Variants in ITGA4 observed in about 807,000 individuals in gnomAD.
The protein encoded by ITGA4 is integrin subunit alpha 4, also known as integrin alpha-4.
ITGA4 carries 63 observed loss-of-function variants against 133.6 expected under a neutral mutation model. That is an observed-to-expected ratio of 0.47 (90% confidence interval 0.38 to 0.58). The LOEUF (loss-of-function observed/expected upper bound fraction) is 0.58, where lower values mean the gene tolerates loss of function less well. ITGA4 is among the 20% of genes least tolerant of loss of function. The pLI, the probability that ITGA4 is intolerant of heterozygous loss-of-function variation, is 0.00. For synonymous variants in ITGA4, 483 were observed against 438.0 expected, an observed-to-expected ratio of 1.10 and a Z score of -1.28; for missense variants, 1,076 against 1,252.7, an observed-to-expected ratio of 0.86 and a Z score of 2.13.
intron 2 of ITGA4, among the ~76,000 whole-genome samples, chr2:181,461,997 G>A (rs566045059): frequency 2.0e-5 from 3 of 152,122 alleles, no homozygotes; most frequent in Non-Finnish European, 2.9e-5. Context: ...TTTATTAGGC[G>A]AAATAAAATT....
At chr2:181,481,556 T>A in intron 6 of ITGA4, 42 bp from the exon 7 acceptor site, 1 of 1,006,974 alleles carries the variant, frequency 9.9e-7, no homozygotes. Flanking sequence ...CCATATGATG[T>A]ACTTTACCCA....
chr2:181,498,601 G>A (rs1337347876), intron 14 of ITGA4, 22 bp from the exon 15 acceptor site: 1 of 1,482,866 alleles, frequency 6.7e-7, no homozygotes, highest in Admixed American at 1.8e-5. Flanking sequence ...TAGATTAATT[G>A]CAATTCTCTA....
At chr2:181,460,138 T>G (rs1685233307) in intron 2 of ITGA4, among the ~76,000 whole-genome samples, 1 of 152,220 alleles carries the variant, frequency 6.6e-6, no homozygotes. Context: ...GATAATTGAT[T>G]AGAAATGATG....
intron 26 of ITGA4, 21 bp from the exon 27 acceptor site, chr2:181,534,795 T>C: frequency 1.3e-6 from 2 of 1,547,874 alleles, no homozygotes; most frequent in Non-Finnish European, 1.7e-6. Flanking sequence ...TTTTGAGTTT[T>C]ATTTTTCTTA....
In ITGA4 at chr2:181,496,011, C is replaced by A. The variant is rs1686149704; in HGVS notation, c.1540+74C>A. The stretch of plus-strand genomic sequence containing the variant: ...TTAATCCCACAATCCTGCTTGGAGC[C>A]CTCACCGGTTTTCACCACGGAGATC... On this transcript the variant is annotated intron_variant, in intron 14 of 27. Transcript: ENST00000397033. The A allele has an allele frequency of 2.0e-6, 3 of 1,472,354 alleles. No individual in the cohort carries two copies. In the East Asian group the frequency reaches 6.9e-5, roughly 34 times the overall value. 91.2% of individuals were successfully genotyped at this position (1,472,354 alleles called of 1,614,324 possible). A position where few individuals can be genotyped will look rare whatever the true frequency, so the allele number is the denominator to read the frequency against.
At position 181,465,836 on chromosome 2, in the gene ITGA4, C is replaced by T. The variant is rs372821400; in HGVS notation, c.319+7519C>T. Among the ~76,000 whole-genome samples the T allele has an allele frequency of 2.0e-4, 30 of 152,120 alleles. No homozygotes were observed. The East Asian group carries it at 4.4e-3, about 23-fold the overall frequency. On this transcript the variant is annotated intron_variant, in intron 2 of 27. Coordinates refer to ENST00000397033, the MANE Select transcript of ITGA4 (RefSeq NM_000885.6). ...CTTCCCCACTTACAAGTGGTGTGAC[C>T]TTGGGCAAGTGCTTAGTCATCCCTT... is the stretch of plus-strand genomic sequence containing the variant.
At position 181,534,906 on chromosome 2, in the gene ITGA4, C is replaced by G; in HGVS notation, c.2974C>G (p.Leu992Val). ...TAGCTTGCTACTTGGACTTATTGTA[C>G]TTCTATTGATCTCATATGTTATGTG... is the stretch of plus-strand genomic sequence containing the variant. ...SSSLLLGLIV[L>V]LLISYVMWKA... Residue 992 changes from leucine (L) to valine (V), a missense_variant, in exon 27 of 28, where the codon CTT (leucine) becomes GTT (valine). By Grantham distance (32) the Leu-to-Val change is conservative. Around this residue, in one of 4 missense-constraint regions of ITGA4, gnomAD observed 193 missense variants for 172.3 expected, o/e 1.12. Transcript: ENST00000397033. The G allele has an allele frequency of 1.3e-6, 2 of 1,588,878 alleles. No homozygotes were observed. Among genetic ancestry groups the G allele is most frequent in the South Asian group, 1.2e-5 (1 of 85,304 alleles).
At chr2:181,510,684 T>A (rs1270126437) in intron 16 of ITGA4, among the ~76,000 whole-genome samples, 1 of 147,358 alleles carries the variant, frequency 6.8e-6, no homozygotes, top group African/African-American at 2.5e-5. Flanking sequence ...CAAATGAAGA[T>A]AACTGAAGAG....
At position 181,495,453 on chromosome 2, in the gene ITGA4, G is replaced by A; in HGVS notation, c.1385+37G>A. The A allele has an allele frequency of 1.3e-6, 2 of 1,488,584 alleles. No homozygotes were observed. Among genetic ancestry groups the A allele is most frequent in the Non-Finnish European group, 1.9e-6 (2 of 1,066,192 alleles). The allele number at this position is 1,488,584 out of a possible 1,614,324, so 92.2% of individuals were successfully genotyped here. A position where few individuals can be genotyped will look rare whatever the true frequency, so the allele number is the denominator to read the frequency against. ...ATATTTCACTGCTTAATTGCAATTTGGTTTAATTGTAAAATGATGGGAGGT... is the reference window on the plus strand; with the variant it reads ...ATATTTCACTGCTTAATTGCAATTTAGTTTAATTGTAAAATGATGGGAGGT... On this transcript the variant is annotated intron_variant, in intron 13 of 27. Transcript: ENST00000397033. The surrounding 1 kb of genome is among the most constrained non-coding windows in gnomAD (Gnocchi z 4.3).
At chr2:181,477,206 A>G (rs906443518) in intron 4 of ITGA4, among the ~76,000 whole-genome samples, 1 of 152,142 alleles carries the variant, frequency 6.6e-6, no homozygotes, top group Non-Finnish European at 1.5e-5. Flanking sequence ...CAAATATACC[A>G]AAGTCAACTA....
intron 2 of ITGA4, among the ~76,000 whole-genome samples, chr2:181,461,737 C>T (rs1014957944): frequency 7.2e-5 from 11 of 152,164 alleles, no homozygotes; most frequent in Non-Finnish European, 1.3e-4. Flanking sequence ...GGAGTTACCA[C>T]TGAAAGCATT....
intron 2 of ITGA4, among the ~76,000 whole-genome samples, chr2:181,469,283 T>A (rs1165320468): frequency 1.3e-5 from 2 of 152,178 alleles, no homozygotes; most frequent in African/African-American, 2.4e-5. Flanking sequence ...AGTAGGTTTT[T>A]AAATAATACA....
At chr2:181,532,182 C>T (rs970823123) in intron 25 of ITGA4, among the ~76,000 whole-genome samples, 18 of 152,298 alleles carry the variant, frequency 1.2e-4, no homozygotes, top group Non-Finnish European at 2.2e-4. Context: ...AGTTTGAAGT[C>T]GGGTAGCCTG....
intron 21 of ITGA4, among the ~76,000 whole-genome samples, chr2:181,525,604 G>C (rs949588647): frequency 6.6e-6 from 1 of 152,156 alleles, no homozygotes; most frequent in Non-Finnish European, 1.5e-5. Flanking sequence ...CTGGAATTAG[G>C]CAGTATGCAG....
At chr2:181,507,080 G>C (rs988833742) in intron 15 of ITGA4, among the ~76,000 whole-genome samples, 4 of 152,076 alleles carry the variant, frequency 2.6e-5, no homozygotes, top group Admixed American at 6.6e-5. Context: ...ATGAAAAGTA[G>C]AGTCAAAAAC....
chr2:181,520,924 C>T (rs1686705445), intron 17 of ITGA4, among the ~76,000 whole-genome samples: 1 of 152,112 alleles, frequency 6.6e-6, no homozygotes, highest in Admixed American at 6.6e-5. Context: ...AAACTCTGTC[C>T]TTACATACTC....
In ITGA4 at chr2:181,538,371, TAATCTAGA is replaced by T. The variant is rs935542321; in HGVS notation, c.*2847_*2854del. The T allele has an allele frequency of 8.0e-6, 5 of 628,882 alleles. No homozygotes were observed. Among genetic ancestry groups the T allele is most frequent in the African/African-American group, 1.8e-5 (1 of 54,254 alleles). 39.0% of individuals were successfully genotyped at this position (628,882 alleles called of 1,614,324 possible). ...AAACACAGCATTCCCAACAGAGCTGTAATCTAGAAAACTGAGAAGGTCTGATTGATAAA... is the reference window on the plus strand; with the variant it reads ...AAACACAGCATTCCCAACAGAGCTGTAAACTGAGAAGGTCTGATTGATAAA... On this transcript the variant is annotated 3_prime_UTR_variant, in exon 28 of 28. Transcript: ENST00000397033.
At chr2:181,480,350 C>T (rs1223750561) in intron 6 of ITGA4, 84 bp downstream of exon 6, 11 of 753,082 alleles carry the variant, frequency 1.5e-5, no homozygotes, top group East Asian at 3.0e-5. Context: ...ATGTATTTTC[C>T]AAAGATCTAA....
Position 181,535,451 on chromosome 2 carries a change from A to C in ITGA4, c.3023A>C (p.Gln1008Pro), listed in dbSNP as rs1347118871. Residue 1008 changes from glutamine to proline, a missense_variant, in exon 28 of 28, where the codon CAA becomes CCA. By Grantham distance (76) the Gln-to-Pro change is moderately conservative. Coordinates refer to ENST00000397033, the MANE Select transcript of ITGA4 (RefSeq NM_000885.6). Reference protein sequence around the residue: ...VMWKAGFFKRQYKSILQEENR... With the variant: ...VMWKAGFFKRPYKSILQEENR... ...TTTCAGGCTGGCTTCTTTAAAAGACAATACAAATCTATCCTACAAGAAGAA... is the reference window on the plus strand; with the variant it reads ...TTTCAGGCTGGCTTCTTTAAAAGACCATACAAATCTATCCTACAAGAAGAA... 1 of 1,608,018 alleles carries C rather than the reference A, an allele frequency of 6.2e-7. No individual in the cohort carries two copies. The highest frequency in any genetic ancestry group is 8.5e-7 in the Non-Finnish European group (1 of 1,177,122).
Sources: gnomAD v4.1 joint callset for allele counts (sites outside exome capture counted in the v4.1 genomes callset) on GRCh38, gnomAD v4.1.1 for gene constraint, gnomAD v4.1.1 regional missense constraint, Gnocchi (gnomAD v3.1) non-coding constraint, MANE v1.5 for transcripts, NCBI Gene and HGNC (gene_info 2026-07-23, HGNC 2026-07-21) for gene names.